DOCK7: variants seen among roughly 807,000 people sequenced by gnomAD.
DOCK7 encodes the protein dedicator of cytokinesis 7, also known as dedicator of cytokinesis protein 7.
Under a neutral mutation model 271.0 loss-of-function variants are expected in DOCK7, and 138 were observed. The observed-to-expected ratio is 0.51, with a 90% CI of 0.44 to 0.59. DOCK7 has a LOEUF of 0.59. Ranked by LOEUF, DOCK7 falls within the 20% of genes least tolerant of loss-of-function variation. The pLI, the probability that DOCK7 is intolerant of heterozygous loss-of-function variation, is 0.00. For synonymous variants in DOCK7, 823 were observed against 876.1 expected (o/e 0.94, Z 1.07); for missense variants, 2,066 against 2,592.4 (o/e 0.80, Z 4.41).
At chr1:62,647,908 A>G in intron 6 of DOCK7, 132 bp from the exon 7 acceptor site, 2 of 831,340 alleles carry the variant, frequency 2.4e-6, no homozygotes, top group Admixed American at 4.9e-5. Context: ...TGACCTATTT[A>G]TCCACAGACA....
intron 12 of DOCK7, 68 bp from the exon 13 acceptor site, chr1:62,620,061 T>A: frequency 7.8e-7 from 1 of 1,286,864 alleles, no homozygotes; most frequent in South Asian, 1.3e-5. Context: ...GGCTCACGCC[T>A]GTAATCCTAG....
chr1:62,455,370 G>T lies in DOCK7; in HGVS notation c.*44C>A. 6.3e-7 allele frequency: 1 copy of T among 1,597,584 alleles called. No homozygotes were observed. Among genetic ancestry groups the T allele is most frequent in the Non-Finnish European group, 8.6e-7 (1 of 1,165,736 alleles). On this transcript the variant is annotated 3_prime_UTR_variant, in exon 50 of 50. Coordinates refer to ENST00000635253, the MANE Select transcript of DOCK7 (RefSeq NM_001367561.1). Reference sequence around the variant, plus strand: ...AATAGATCTTTTCACACTCGATGTTGAATACATGGCTCTTTGCAGATGAAT... The same window carrying T: ...AATAGATCTTTTCACACTCGATGTTTAATACATGGCTCTTTGCAGATGAAT...
At chr1:62,520,362 G>A (rs1352662699) in intron 31 of DOCK7, among the ~76,000 whole-genome samples, 1 of 151,954 alleles carries the variant, frequency 6.6e-6, no homozygotes, top group Non-Finnish European at 1.5e-5. Flanking sequence ...ACTGACAAAG[G>A]GCTAATATCC....
intron 16 of DOCK7, among the ~76,000 whole-genome samples, chr1:62,582,507 G>A (rs1402319418): frequency 8.9e-6 from 1 of 112,458 alleles, no homozygotes; most frequent in African/African-American, 3.5e-5. Flanking sequence ...CCGAGATCCC[G>A]CCACTGCACT....
intron 37 of DOCK7, among the ~76,000 whole-genome samples, chr1:62,501,114 G>T (rs1426549757): frequency 6.6e-6 from 1 of 152,132 alleles, no homozygotes; most frequent in Non-Finnish European, 1.5e-5. Context: ...TTGGAAGGCC[G>T]TGCAGGGAGG....
At chr1:62,556,382 A>G (rs1646141641) in intron 20 of DOCK7, among the ~76,000 whole-genome samples, 1 of 152,104 alleles carries the variant, frequency 6.6e-6, no homozygotes, top group African/African-American at 2.4e-5. Context: ...AATAGCATAT[A>G]AGGGCATATA....
intron 30 of DOCK7, among the ~76,000 whole-genome samples, chr1:62,529,044 G>T (rs1235461231): frequency 6.6e-6 from 1 of 152,058 alleles, no homozygotes; most frequent in Non-Finnish European, 1.5e-5. Context: ...GTACAGAATT[G>T]CTATAAAATC....
At chr1:62,665,268 C>T (rs1344233847) in intron 1 of DOCK7, among the ~76,000 whole-genome samples, 3 of 151,978 alleles carry the variant, frequency 2.0e-5, no homozygotes. Context: ...GGATTACAGG[C>T]AGGAGCCACC....
rs767516398 is a variant in DOCK7 at position 62,529,356 on chromosome 1, T to C, written c.3702A>G (p.Ile1234Met). The C allele has an allele frequency of 6.2e-7, 1 of 1,613,884 alleles. No individual in the cohort carries two copies. The highest frequency in any genetic ancestry group is 8.5e-7 in the Non-Finnish European group (1 of 1,179,930). Reference protein sequence around the residue: ...DSDPRYSDPQIKARVAMLYLP... With the variant: ...DSDPRYSDPQMKARVAMLYLP... Reference sequence around the variant, plus strand: ...GATACAACATGGCCACTCGAGCCTTTATCTGAGGGTCAGAGTACCGCGGGT... The same window carrying C: ...GATACAACATGGCCACTCGAGCCTTCATCTGAGGGTCAGAGTACCGCGGGT... The change falls in exon 30 of 50, where the codon ATA (isoleucine) becomes ATG (methionine). Residue 1234 changes from isoleucine (I) to methionine (M), a missense_variant. Coordinates refer to ENST00000635253, the MANE Select transcript of DOCK7 (RefSeq NM_001367561.1).
At chr1:62,602,978 T>C (rs1446399862) in intron 14 of DOCK7, among the ~76,000 whole-genome samples, 2 of 151,660 alleles carry the variant, frequency 1.3e-5, no homozygotes, top group Admixed American at 6.6e-5. Flanking sequence ...CAAAAATCCA[T>C]GAATGATGTC....
intron 14 of DOCK7, chr1:62,601,070 T>G (rs779738612): frequency 5.4e-6 from 8 of 1,469,256 alleles, no homozygotes; most frequent in Non-Finnish European, 1.9e-6. Context: ...CAGATTTATA[T>G]TCTTTTATCA....
chr1:62,611,448 T>C (rs1651777170), intron 14 of DOCK7, among the ~76,000 whole-genome samples: 1 of 152,156 alleles, frequency 6.6e-6, no homozygotes, highest in Non-Finnish European at 1.5e-5. Flanking sequence ...CTTCTTTGAG[T>C]ATCATATGGG....
intron 38 of DOCK7, 80 bp downstream of exon 38, chr1:62,496,259 A>G: frequency 1.3e-6 from 2 of 1,562,230 alleles, no homozygotes; most frequent in Non-Finnish European, 1.7e-6. Flanking sequence ...AGCAAAAATC[A>G]ACTTTTGATT....
chr1:62,603,948 T>C, intron 14 of DOCK7: 2 of 1,610,708 alleles, frequency 1.2e-6, no homozygotes, highest in South Asian at 2.2e-5. Context: ...ACTCACAGAT[T>C]TTTAAAACTT....
In DOCK7 at chr1:62,682,068, C is replaced by T. The variant is rs530742721; in HGVS notation, c.38+6159G>A. On this transcript the variant is annotated intron_variant, in intron 1 of 49. Transcript: ENST00000635253. ...AAAAGAAAAAAAAAAAACAGCAGAA[C>T]AGTTACAGAGATGGAAACAAGCATA... 2.0e-5 allele frequency among the ~76,000 whole-genome samples: 3 copies of T among 150,190 alleles called. No homozygotes were observed. The East Asian group carries it at 5.9e-4, about 29-fold the overall frequency.
At chr1:62,471,453 A>G (rs537379493) in intron 48 of DOCK7, among the ~76,000 whole-genome samples, 27 of 152,186 alleles carry the variant, frequency 1.8e-4, no homozygotes, top group African/African-American at 5.8e-4. Context: ...CTTGAGGCCA[A>G]GAGTTCGAGA....
intron 1 of DOCK7, among the ~76,000 whole-genome samples, chr1:62,680,813 T>G: frequency 6.6e-6 from 1 of 151,504 alleles, no homozygotes; most frequent in Non-Finnish European, 1.5e-5. Flanking sequence ...ATCAGAGAAA[T>G]GCAAATCAAA....
intron 14 of DOCK7, chr1:62,607,647 A>C (rs1651195345): frequency 6.6e-6 from 1 of 152,346 alleles, no homozygotes; most frequent in East Asian, 1.9e-4. Flanking sequence ...AGGATAATGA[A>C]AACAAATCCT....
At position 62,473,795 on chromosome 1, in the gene DOCK7, G is replaced by C. The variant is rs10889330; in HGVS notation, c.6212+187C>G. Among the ~76,000 whole-genome samples the C allele has an allele frequency of 0.39, 59,067 of 151,836 alleles. 12,181 individuals carry two copies. Among genetic ancestry groups the C allele is most frequent in the African/African-American group, 0.53 (21,926 of 41,370 alleles). The stretch of plus-strand genomic sequence containing the variant: ...AGATGGGGTCTTGCTTTGTTTTCCA[G>C]GCTGGTCTCAAACTCCTGGCCTCAA... On this transcript the variant is annotated intron_variant, in intron 48 of 49. Coordinates refer to ENST00000635253, the MANE Select transcript of DOCK7 (RefSeq NM_001367561.1).
Sources: gnomAD v4.1 joint callset for allele counts (sites outside exome capture counted in the v4.1 genomes callset) on GRCh38, gnomAD v4.1.1 for gene constraint, MANE v1.5 for transcripts, NCBI Gene and HGNC (gene_info 2026-07-23, HGNC 2026-07-21) for gene names.